Variants in TAF2 observed in about 807,000 individuals in gnomAD.
TAF2 encodes TATA-box binding protein associated factor 2.
Under a neutral mutation model 138.5 loss-of-function variants are expected in TAF2, and 61 were observed. The observed-to-expected ratio is 0.44, with a 90% CI of 0.36 to 0.54. The LOEUF (loss-of-function observed/expected upper bound fraction) is 0.54. Among genes scored for constraint, TAF2 ranks in the 20% least tolerant of loss-of-function variants. The probability of loss-of-function intolerance (pLI) is 0.00; values close to 1 mark genes in which losing one functional copy is unlikely to be tolerated. For missense variants in TAF2, 1,090 were observed against 1,427.9 expected (o/e 0.76, Z 3.81); for synonymous variants, 475 against 469.9 (o/e 1.01, Z -0.14).
intron 11 of TAF2, 134 bp from the exon 12 acceptor site, chr8:119,789,880 T>C: frequency 1.1e-6 from 1 of 873,350 alleles, no homozygotes; most frequent in Non-Finnish European, 1.8e-6. Context: ...ACACAGATTA[T>C]TCTAAAGACT....
intron 3 of TAF2, among the ~76,000 whole-genome samples, chr8:119,817,172 C>A (rs753010247): frequency 8.5e-5 from 13 of 152,142 alleles, no homozygotes; most frequent in African/African-American, 1.7e-4. Flanking sequence ...CCTAGCCTAA[C>A]CTTTGAAAAG....
chr8:119,802,130 AC>A, intron 5 of TAF2, 105 bp from the exon 6 acceptor site: 1 of 984,872 alleles, frequency 1.0e-6, no homozygotes, highest in Non-Finnish European at 1.5e-6. Flanking sequence ...AACAAACAAA[AC>A]CTTTAGCTAT....
At chr8:119,807,427 A>G (rs1189531656) in intron 3 of TAF2, among the ~76,000 whole-genome samples, 1 of 137,942 alleles carries the variant, frequency 7.2e-6, no homozygotes, top group Non-Finnish European at 1.6e-5. Context: ...TTCCTCACTG[A>G]AATTAGTTTA....
At chr8:119,740,795 A>C (rs1015716420) in intron 25 of TAF2, among the ~76,000 whole-genome samples, 2 of 152,158 alleles carry the variant, frequency 1.3e-5, no homozygotes, top group Non-Finnish European at 2.9e-5. Context: ...TGTAAAATGA[A>C]GGTTTTCTAC....
At chr8:119,814,199 GA>G (rs1241591712) in intron 3 of TAF2, among the ~76,000 whole-genome samples, 1 of 152,024 alleles carries the variant, frequency 6.6e-6, no homozygotes, top group Admixed American at 6.6e-5. Flanking sequence ...AGTAGAAGAT[GA>G]AATAGTAAGG....
At chr8:119,768,341 A>G (rs1332029227) in intron 18 of TAF2, among the ~76,000 whole-genome samples, 7 of 152,090 alleles carry the variant, frequency 4.6e-5, no homozygotes, top group African/African-American at 1.2e-4. Flanking sequence ...GTACCCCTTT[A>G]CCATGAAGGT....
At chr8:119,732,341 T>G (rs7835482) in intron 25 of TAF2, among the ~76,000 whole-genome samples, 155 bp from the exon 26 acceptor site, 19,502 of 152,198 alleles carry the variant, frequency 0.13, 2,237 homozygotes, top group African/African-American at 0.31. Context: ...GACATGTAAT[T>G]AGTTACACAC....
chr8:119,737,430 A>G (rs1429980947), intron 25 of TAF2, among the ~76,000 whole-genome samples: 1 of 151,982 alleles, frequency 6.6e-6, no homozygotes, highest in East Asian at 1.9e-4. Flanking sequence ...ATTGAAGCTG[A>G]GTAACAGATA....
chr8:119,766,401 G>A (rs1410847951), intron 18 of TAF2, among the ~76,000 whole-genome samples: 2 of 152,178 alleles, frequency 1.3e-5, no homozygotes, highest in African/African-American at 4.8e-5. Flanking sequence ...TATTAGAGGT[G>A]CCATGATTGA....
chr8:119,829,231 A>G (rs1023319397), intron 2 of TAF2, among the ~76,000 whole-genome samples: 3 of 152,198 alleles, frequency 2.0e-5, no homozygotes, highest in Non-Finnish European at 2.9e-5. Context: ...AGTTTCCACA[A>G]AAAGGAAACT....
chr8:119,808,022 G>A (rs1343597178), intron 3 of TAF2, among the ~76,000 whole-genome samples: 1 of 151,992 alleles, frequency 6.6e-6, no homozygotes, highest in Non-Finnish European at 1.5e-5. Flanking sequence ...AAACATTAAG[G>A]CTACAGACTC....
intron 6 of TAF2, among the ~76,000 whole-genome samples, chr8:119,799,404 GTGTT>G (rs1824077898): frequency 6.6e-6 from 1 of 152,030 alleles, no homozygotes; most frequent in South Asian, 2.1e-4. Context: ...AGAACATGTG[GTGTT>G]TGGTTTTTTG....
Position 119,791,474 on chromosome 8 carries a change from C to A in TAF2, c.1278-15G>T. On this transcript the variant is annotated splice_polypyrimidine_tract_variant and intron_variant, in intron 10 of 25. Transcript: ENST00000378164. ...GGGAAGCCGGACTAAAAAAAATAAA[C>A]ACATTTACCTAATACAGCAAATGTG... 5 of 1,610,018 alleles carry A rather than the reference C, an allele frequency of 3.1e-6. No homozygotes were observed. The highest frequency in any genetic ancestry group is 4.2e-6 in the Non-Finnish European group (5 of 1,177,708).
At chr8:119,826,702 T>A (rs1019846342) in intron 2 of TAF2, among the ~76,000 whole-genome samples, 1 of 152,064 alleles carries the variant, frequency 6.6e-6, no homozygotes, top group Non-Finnish European at 1.5e-5. Context: ...GCGACTCTCC[T>A]GCCTCAGCCT....
At chr8:119,782,244 C>T (rs1822716666) in intron 16 of TAF2, among the ~76,000 whole-genome samples, 1 of 152,110 alleles carries the variant, frequency 6.6e-6, no homozygotes, top group South Asian at 2.1e-4. Flanking sequence ...TGTAAGCATG[C>T]TTTACAAAAG....
intron 2 of TAF2, among the ~76,000 whole-genome samples, chr8:119,826,278 GAAAC>G (rs200024510): frequency 0.016 from 2,420 of 150,528 alleles, 56 homozygotes; most frequent in African/African-American, 0.052. Flanking sequence ...AAAAAAACAA[GAAAC>G]AAACAAACAA....
chr8:119,760,449 T>C (rs1347407778), intron 20 of TAF2, 150 bp downstream of exon 20: 1 of 873,640 alleles, frequency 1.1e-6, no homozygotes, highest in African/African-American at 1.7e-5. Flanking sequence ...GAATTCTACA[T>C]TTATCAAAGA....
At chr8:119,768,597 G>C (rs934096461) in intron 18 of TAF2, among the ~76,000 whole-genome samples, 1 of 152,196 alleles carries the variant, frequency 6.6e-6, no homozygotes, top group South Asian at 2.1e-4. Context: ...CAATTTGGGG[G>C]AATGTTCCAC....
rs2131255941 is a variant in TAF2, at chr8:119,819,423, T to G, written c.222A>C (p.Arg74=). The change falls in exon 3 of 26, where the codon CGA becomes CGC. Residue 74 remains arginine, a synonymous_variant. Transcript: ENST00000378164. ...KLNSKQCRIY[R]VRINDLEAAF... The stretch of plus-strand genomic sequence containing the variant: ...CAGCCTCTAAATCATTGATCCTTAC[T>G]CGGTATATTCTACACTGTTTGCTGT... 6.2e-7 allele frequency: 1 copy of G among 1,612,632 alleles called. No homozygotes were observed. Among genetic ancestry groups the G allele is most frequent in the Middle Eastern group, 1.7e-4 (1 of 6,056 alleles).
Sources: allele counts gnomAD v4.1 joint callset (sites outside exome capture counted in the v4.1 genomes callset), GRCh38; gene constraint gnomAD v4.1.1; transcripts MANE v1.5; gene names NCBI Gene and HGNC (gene_info 2026-07-23, HGNC 2026-07-21).